The following DPP10 variants were observed in gnomAD, a reference collection of about 807,000 sequenced individuals.
DPP10 encodes the protein inactive dipeptidyl peptidase 10.
DPP10 carries 33 observed loss-of-function variants against 120.9 expected under a neutral mutation model. The observed-to-expected ratio is 0.27, with a 90% confidence interval of 0.21 to 0.37. The LOEUF is 0.37. DPP10 is among the 10% of genes least tolerant of loss of function. DPP10 has a pLI of 1.00. For synonymous variants in DPP10, 337 were observed against 326.1 expected (o/e 1.03, Z -0.36); for missense variants, 816 against 942.8 (o/e 0.87, Z 1.76).
At chr2:115,220,890 A>G (rs1379632101) in intron 1 of DPP10, among the ~76,000 whole-genome samples, 1 of 150,382 alleles carries the variant, frequency 6.6e-6, no homozygotes, top group Non-Finnish European at 1.5e-5. Context: ...ATGTATACAT[A>G]TATATTCATA....
intron 1 of DPP10, among the ~76,000 whole-genome samples, chr2:115,038,309 T>TCA (rs1271474481): frequency 1.3e-5 from 2 of 151,550 alleles, no homozygotes; most frequent in Non-Finnish European, 2.9e-5. Flanking sequence ...CTCGCTCTGT[T>TCA]GCCCAGGCTG....
rs552464846 is a variant in DPP10, at chr2:114,893,794, T to C, written c.61-415445T>C. 3.3e-5 allele frequency among the ~76,000 whole-genome samples: 5 copies of C among 152,354 alleles called. 1 individual carries two copies. Among genetic ancestry groups the C allele is most frequent in the Admixed American group, 2.6e-4 (4 of 15,298 alleles). On this transcript the variant is annotated intron_variant, in intron 1 of 25. Coordinates refer to ENST00000410059, the MANE Select transcript of DPP10 (RefSeq NM_020868.6). ...TGCACATATTATCATATTGCATTCA[T>C]GAGTAACGTAGAGTTAACCCTCCAG...
chr2:114,927,465 C>A (rs1206870132), intron 1 of DPP10, among the ~76,000 whole-genome samples: 3 of 152,108 alleles, frequency 2.0e-5, no homozygotes, highest in African/African-American at 7.2e-5. Flanking sequence ...AAGGCAGAGA[C>A]AACTCAAAGC....
chr2:114,554,456 G>A (rs1346547118), intron 1 of DPP10, among the ~76,000 whole-genome samples: 1 of 152,198 alleles, frequency 6.6e-6, no homozygotes, highest in Admixed American at 6.5e-5. Context: ...AGTGTGATCA[G>A]ATGATGTATG....
intron 1 of DPP10, among the ~76,000 whole-genome samples, chr2:114,677,459 G>A (rs1405205520): frequency 6.6e-6 from 1 of 152,102 alleles, no homozygotes; most frequent in Non-Finnish European, 1.5e-5. Context: ...AGCAGCTCCT[G>A]TAAAGGAAAA....
chr2:115,075,439 G>T (rs950253183), intron 1 of DPP10, among the ~76,000 whole-genome samples: 2 of 152,170 alleles, frequency 1.3e-5, no homozygotes, highest in East Asian at 1.9e-4. Context: ...GATGAAAAAT[G>T]TTGAAGGTTG....
intron 1 of DPP10, among the ~76,000 whole-genome samples, chr2:114,524,344 G>A (rs1000198505): frequency 6.6e-6 from 1 of 152,178 alleles, no homozygotes; most frequent in Admixed American, 6.5e-5. Flanking sequence ...CAACCTCCCA[G>A]ATAACGCAGG....
At position 114,568,753 on chromosome 2, in the gene DPP10, C is replaced by T. The variant is rs114679465; in HGVS notation, c.60+125915C>T. Among the ~76,000 whole-genome samples, 447 of 152,306 alleles carry T rather than the reference C, an allele frequency of 2.9e-3. 1 individual carries two copies. Among genetic ancestry groups the T allele is most frequent in the African/African-American group, 0.01 (418 of 41,570 alleles). ...CTTGGGAATGAGTTAAAGAATGATT[C>T]GCCTTTGCTGTAGGTGTACCTATCC... On this transcript the variant is annotated intron_variant, in intron 1 of 25. Transcript: ENST00000410059.
At chr2:115,750,129 G>A in intron 10 of DPP10, 9 of 985,386 alleles carry the variant, frequency 9.1e-6, no homozygotes, top group Non-Finnish European at 1.1e-5. Context: ...ATGTGTTCAT[G>A]AGATGGAGTT....
At chr2:115,348,150 G>GTACT (rs1253428691) in intron 3 of DPP10, among the ~76,000 whole-genome samples, 2 of 151,982 alleles carry the variant, frequency 1.3e-5, no homozygotes, top group Non-Finnish European at 2.9e-5. Flanking sequence ...TCAGTTCAAC[G>GTACT]TACTCAGCAT....
chr2:115,792,532 A>G (rs1684100559), intron 19 of DPP10, among the ~76,000 whole-genome samples: 1 of 152,020 alleles, frequency 6.6e-6, no homozygotes, highest in Admixed American at 6.6e-5. Flanking sequence ...CTCATATCCA[A>G]ACTTTTCTCC....
chr2:115,804,176 T>G (rs1467057329), intron 19 of DPP10, among the ~76,000 whole-genome samples: 1 of 152,228 alleles, frequency 6.6e-6, no homozygotes, highest in East Asian at 1.9e-4. Flanking sequence ...TTCATTTCAT[T>G]CATTTCGTCT....
At chr2:114,443,667 GA>G (rs1379479727) in intron 1 of DPP10, among the ~76,000 whole-genome samples, 4 of 149,588 alleles carry the variant, frequency 2.7e-5, no homozygotes, top group African/African-American at 9.8e-5. Flanking sequence ...CATCTTGAGG[GA>G]AAGTGATGGA....
At chr2:114,618,070 C>G (rs1693810114) in intron 1 of DPP10, among the ~76,000 whole-genome samples, 1 of 152,022 alleles carries the variant, frequency 6.6e-6, no homozygotes, top group Non-Finnish European at 1.5e-5. Context: ...TTTTTTAGGT[C>G]TCCATGATGG....
At chr2:114,610,739 C>A (rs903799785) in intron 1 of DPP10, among the ~76,000 whole-genome samples, 2 of 152,118 alleles carry the variant, frequency 1.3e-5, no homozygotes, top group East Asian at 3.9e-4. Flanking sequence ...ATATTTTCTC[C>A]GGGCTCAGTC....
At chr2:115,540,104 T>C (rs1237777609) in intron 5 of DPP10, among the ~76,000 whole-genome samples, 2 of 151,866 alleles carry the variant, frequency 1.3e-5, no homozygotes, top group Non-Finnish European at 2.9e-5. Context: ...TAATTAGCCA[T>C]GAGGTCAACA....
chr2:115,213,818 A>G (rs1416062083), intron 1 of DPP10, among the ~76,000 whole-genome samples: 6 of 152,242 alleles, frequency 3.9e-5, no homozygotes, highest in South Asian at 2.1e-4. Flanking sequence ...GCTTAGGCCT[A>G]TAGTACTTAG....
chr2:114,608,712 AAAAC>A (rs990092797), intron 1 of DPP10, among the ~76,000 whole-genome samples: 22 of 152,246 alleles, frequency 1.4e-4, no homozygotes, highest in African/African-American at 5.3e-4. Context: ...GCCAAAAAAA[AAAAC>A]AGTGAAATCA....
chr2:115,447,061 A>G (rs2072667933), intron 3 of DPP10, among the ~76,000 whole-genome samples: 1 of 152,174 alleles, frequency 6.6e-6, no homozygotes, highest in Non-Finnish European at 1.5e-5. Flanking sequence ...GCGGGGGTGG[A>G]ACACTGCAAA....
Sources: gnomAD v4.1 joint callset for allele counts (sites outside exome capture counted in the v4.1 genomes callset) on GRCh38, gnomAD v4.1.1 for gene constraint, MANE v1.5 for transcripts, NCBI Gene and HGNC (gene_info 2026-07-23, HGNC 2026-07-21) for gene names.